ZNF407: variants seen among roughly 807,000 people sequenced by gnomAD.
The protein encoded by ZNF407 is zinc finger protein 407.
In ZNF407, 17 loss-of-function variants were observed where a neutral mutation model predicts 131.2. The observed-to-expected ratio is 0.13, with a 90% CI of 0.09 to 0.19. ZNF407 has a LOEUF of 0.19. Among genes scored for constraint, ZNF407 ranks in the 10% least tolerant of loss-of-function variants. The pLI is 1.00. For missense variants in ZNF407, 2,681 were observed against 2,830.6 expected, an observed-to-expected ratio of 0.95 and a Z score of 1.20; for synonymous variants, 1,156 against 1,062.0, an observed-to-expected ratio of 1.09 and a Z score of -1.72.
intron 1 of ZNF407, among the ~76,000 whole-genome samples, chr18:74,630,360 A>T (rs1046861342): frequency 6.6e-6 from 1 of 152,024 alleles, no homozygotes; most frequent in Non-Finnish European, 1.5e-5. Context: ...TTTAGTAGCG[A>T]CAGGGTTTCA....
At chr18:74,967,538 T>A (rs1972423182) in intron 8 of ZNF407, among the ~76,000 whole-genome samples, 1 of 152,194 alleles carries the variant, frequency 6.6e-6, no homozygotes, top group Non-Finnish European at 1.5e-5. Flanking sequence ...ATCATTACCA[T>A]CCATTTTCTT....
chr18:75,002,766 C>T (rs1016825455), intron 8 of ZNF407, among the ~76,000 whole-genome samples: 9 of 145,602 alleles, frequency 6.2e-5, no homozygotes, highest in African/African-American at 1.5e-4. Context: ...GATCGCGCCA[C>T]TGCACTCCAG....
chr18:74,902,787 A>C (rs187307729), intron 7 of ZNF407, among the ~76,000 whole-genome samples: 1 of 152,232 alleles, frequency 6.6e-6, no homozygotes, highest in Non-Finnish European at 1.5e-5. Flanking sequence ...TAAAGCTAGA[A>C]AACATTTTTT....
intron 3 of ZNF407, among the ~76,000 whole-genome samples, chr18:74,736,585 T>C (rs1241334918): frequency 2.6e-5 from 4 of 152,196 alleles, no homozygotes; most frequent in Non-Finnish European, 4.4e-5. Context: ...GTACTATTTC[T>C]GTACTGAGAT....
intron 3 of ZNF407, among the ~76,000 whole-genome samples, chr18:74,777,202 G>A (rs1402262047): frequency 6.6e-6 from 1 of 151,978 alleles, no homozygotes; most frequent in Non-Finnish European, 1.5e-5. Context: ...AATTTATTTT[G>A]AAATATTGTT....
intron 4 of ZNF407, among the ~76,000 whole-genome samples, chr18:74,839,452 T>G (rs1351667893): frequency 6.6e-6 from 1 of 152,242 alleles, no homozygotes; most frequent in African/African-American, 2.4e-5. Flanking sequence ...GAATTTTTTC[T>G]TCCTTATGGA....
At chr18:74,895,659 G>C (rs1381982025) in intron 7 of ZNF407, among the ~76,000 whole-genome samples, 1 of 151,902 alleles carries the variant, frequency 6.6e-6, no homozygotes, top group Non-Finnish European at 1.5e-5. Flanking sequence ...ATGTTTTTCA[G>C]GTCATAGATA....
intron 3 of ZNF407, among the ~76,000 whole-genome samples, chr18:74,742,210 A>G (rs1412522055): frequency 6.6e-6 from 1 of 152,218 alleles, no homozygotes; most frequent in Non-Finnish European, 1.5e-5. Flanking sequence ...CTCACAGAAC[A>G]TGCTTTTAAT....
intron 1 of ZNF407, among the ~76,000 whole-genome samples, chr18:74,619,200 T>C (rs1372895669): frequency 3.9e-5 from 6 of 152,204 alleles, no homozygotes; most frequent in African/African-American, 1.4e-4. Context: ...CTCCTTAATA[T>C]TGGAAAGATA....
chr18:74,878,455 C>T (rs1971190077), intron 5 of ZNF407, among the ~76,000 whole-genome samples: 1 of 152,114 alleles, frequency 6.6e-6, no homozygotes, highest in Admixed American at 6.5e-5. Flanking sequence ...TTAAGGTCTC[C>T]AGCCTGCCCT....
At chr18:75,056,319 G>C (rs1208337381) in intron 8 of ZNF407, among the ~76,000 whole-genome samples, 2 of 152,164 alleles carry the variant, frequency 1.3e-5, no homozygotes, top group African/African-American at 4.8e-5. Context: ...ACCAGAATGT[G>C]TTTCTAACCA....
intron 8 of ZNF407, among the ~76,000 whole-genome samples, chr18:74,925,133 C>T (rs1389674713): frequency 6.6e-6 from 1 of 151,972 alleles, no homozygotes; most frequent in African/African-American, 2.4e-5. Flanking sequence ...ATTTTTCTAC[C>T]CTCATACTTT....
At chr18:74,804,302 TAAA>T in intron 4 of ZNF407, 13 of 900,034 alleles carry the variant, frequency 1.4e-5, no homozygotes, top group East Asian at 1.1e-4. Context: ...ATCAATGAGT[TAAA>T]AAAAAAAAAA....
Position 74,843,495 on chromosome 18 carries a change from A to G in ZNF407, c.4878-33702A>G, listed in dbSNP as rs1970661988. Among the ~76,000 whole-genome samples, 6 of 152,210 alleles carry G rather than the reference A, an allele frequency of 3.9e-5. No individual in the cohort carries two copies. The South Asian group carries it at 1.2e-3, about 32-fold the overall frequency. ...TCATCTTTACTTTTTCATTTGTTTA[A>G]AAATGATGATTAAAAGTGTATTACA... On this transcript the variant is annotated intron_variant, in intron 4 of 8. Transcript: ENST00000299687.
rs546528434 is a variant in ZNF407 at position 75,060,661 on chromosome 18, G to A, written c.5429-2489G>A. 7.1e-3 allele frequency among the ~76,000 whole-genome samples: 1,073 copies of A among 151,850 alleles called. 8 individuals are homozygous for A. Among genetic ancestry groups the A allele is most frequent in the African/African-American group, 0.019 (798 of 41,458 alleles). ...GCTGGGATTACAGGCACCCGCCACC[G>A]CGCCCGGCTAATTTTTTGTATTTTT... On this transcript the variant is annotated intron_variant, in intron 8 of 8. Coordinates refer to ENST00000299687, the MANE Select transcript of ZNF407 (RefSeq NM_017757.3).
intron 2 of ZNF407, among the ~76,000 whole-genome samples, chr18:74,636,962 T>C: frequency 6.6e-6 from 1 of 152,250 alleles, no homozygotes; most frequent in East Asian, 1.9e-4. Context: ...ACTTTCTTAA[T>C]ATGCCCTCTT....
chr18:74,859,426 C>A (rs1970906342), intron 4 of ZNF407, among the ~76,000 whole-genome samples: 1 of 152,100 alleles, frequency 6.6e-6, no homozygotes, highest in African/African-American at 2.4e-5. Context: ...TGGGGCAGTT[C>A]TGAAAGGAAA....
chr18:74,786,025 C>T (rs753395310), intron 4 of ZNF407, among the ~76,000 whole-genome samples: 5 of 152,120 alleles, frequency 3.3e-5, no homozygotes, highest in East Asian at 1.9e-4. Context: ...AAAAGCCATG[C>T]GTTTATAGAA....
intron 8 of ZNF407, among the ~76,000 whole-genome samples, chr18:75,007,815 A>G (rs781320112): frequency 6.6e-6 from 1 of 152,180 alleles, no homozygotes; most frequent in Non-Finnish European, 1.5e-5. Flanking sequence ...CTACTGTAAC[A>G]TGGGAAATCC....
Sources: allele counts gnomAD v4.1 joint callset (sites outside exome capture counted in the v4.1 genomes callset), GRCh38; gene constraint gnomAD v4.1.1; transcripts MANE v1.5; gene names NCBI Gene and HGNC (gene_info 2026-07-23, HGNC 2026-07-21).